The following PKHD1 variants were observed in gnomAD, a reference collection of about 807,000 sequenced individuals.
PKHD1 encodes fibrocystin.
A neutral mutation model predicts 412.0 loss-of-function variants in PKHD1; 291 were observed. That is an observed-to-expected ratio of 0.71 (90% CI 0.64 to 0.78). The LOEUF is 0.78. PKHD1 is among the 30% of genes least tolerant of loss of function. PKHD1 has a pLI of 0.00. For missense variants in PKHD1, 4,825 were observed against 4,950.7 expected (o/e 0.97, Z 0.76); for synonymous variants, 1,777 against 1,821.5 (o/e 0.98, Z 0.62).
chr6:51,764,078 C>T (rs1328498592), intron 55 of PKHD1, among the ~76,000 whole-genome samples: 1 of 148,514 alleles, frequency 6.7e-6, no homozygotes, highest in African/African-American at 2.5e-5. Flanking sequence ...TTAGGTATAT[C>T]TCCCAATGCT....
At chr6:51,779,041 C>T (rs1791542760) in intron 53 of PKHD1, among the ~76,000 whole-genome samples, 1 of 152,120 alleles carries the variant, frequency 6.6e-6, no homozygotes, top group South Asian at 2.1e-4. Flanking sequence ...GTACCCCTTG[C>T]TAAAGTAATT....
At chr6:51,905,585 A>AG (rs1781953209) in intron 41 of PKHD1, among the ~76,000 whole-genome samples, 2 of 152,338 alleles carry the variant, frequency 1.3e-5, no homozygotes. Flanking sequence ...GAGAAAAAAA[A>AG]CAAGACAAGT....
At chr6:51,946,787 T>A (rs1203808682) in intron 36 of PKHD1, among the ~76,000 whole-genome samples, 1 of 152,254 alleles carries the variant, frequency 6.6e-6, no homozygotes, top group Non-Finnish European at 1.5e-5. Context: ...TGTAATCACC[T>A]CTTTCCATTA....
intron 53 of PKHD1, among the ~76,000 whole-genome samples, chr6:51,779,699 C>T (rs1446591390): frequency 2.0e-5 from 3 of 151,786 alleles, no homozygotes; most frequent in African/African-American, 7.3e-5. Context: ...ACCATTATAG[C>T]TTAAAAATAT....
chr6:51,746,695 C>T (rs1785234286), intron 59 of PKHD1, 26 bp downstream of exon 59: 1 of 1,435,162 alleles, frequency 7.0e-7, no homozygotes, highest in Non-Finnish European at 9.8e-7. Context: ...ATAAATATGG[C>T]TTATTATAAA....
At chr6:52,033,636 A>AATAT (rs886591214) in intron 28 of PKHD1, among the ~76,000 whole-genome samples, 1 of 150,584 alleles carries the variant, frequency 6.6e-6, no homozygotes. Context: ...TAATAATTTA[A>AATAT]ATATATATAT....
At chr6:51,664,229 G>T (rs2150445107) in intron 60 of PKHD1, among the ~76,000 whole-genome samples, 1 of 152,144 alleles carries the variant, frequency 6.6e-6, no homozygotes, top group South Asian at 2.1e-4. Context: ...TCTGCCTCAA[G>T]GATCCAAAGT....
chr6:52,005,776 T>G (rs567529614), intron 35 of PKHD1, among the ~76,000 whole-genome samples: 1 of 152,004 alleles, frequency 6.6e-6, no homozygotes, highest in South Asian at 2.1e-4. Flanking sequence ...TCCCTAGAAA[T>G]CCACATTATG....
chr6:51,720,947 C>A, intron 60 of PKHD1: 3 of 977,226 alleles, frequency 3.1e-6, no homozygotes, highest in Non-Finnish European at 3.6e-6. Context: ...GAGTAAATGT[C>A]ACATTGACTT....
At chr6:51,923,565 T>G (rs929404523) in intron 37 of PKHD1, among the ~76,000 whole-genome samples, 1 of 151,692 alleles carries the variant, frequency 6.6e-6, no homozygotes, top group East Asian at 1.9e-4. Context: ...AGGTAAATTT[T>G]TATATAGTCT....
intron 57 of PKHD1, 25 bp from the exon 58 acceptor site, chr6:51,748,690 G>C: frequency 6.2e-7 from 1 of 1,609,984 alleles, no homozygotes. Flanking sequence ...ATGTCATCAG[G>C]TACTTTCCTC....
At chr6:51,731,194 C>G (rs966672699) in intron 60 of PKHD1, among the ~76,000 whole-genome samples, 1 of 150,838 alleles carries the variant, frequency 6.6e-6, no homozygotes, top group African/African-American at 2.4e-5. Flanking sequence ...GCTTACTAGT[C>G]AATGAAGTCC....
chr6:51,760,572 C>T (rs1361680798), intron 55 of PKHD1, among the ~76,000 whole-genome samples: 1 of 152,022 alleles, frequency 6.6e-6, no homozygotes, highest in Non-Finnish European at 1.5e-5. Flanking sequence ...TGCAAGAATA[C>T]TGCATCTGAT....
intron 9 of PKHD1, 118 bp from the exon 10 acceptor site, chr6:52,070,563 T>C: frequency 2.7e-6 from 2 of 747,398 alleles, no homozygotes; most frequent in Non-Finnish European, 4.7e-6. Flanking sequence ...AAACCTGTAA[T>C]TTCTTTAGTG....
At chr6:51,724,767 T>C (rs1335419133) in intron 60 of PKHD1, among the ~76,000 whole-genome samples, 1 of 152,188 alleles carries the variant, frequency 6.6e-6, no homozygotes, top group Non-Finnish European at 1.5e-5. Context: ...TCATGGATTA[T>C]CTAGTTGGTA....
At chr6:52,068,426 G>A (rs927459255) in intron 11 of PKHD1, among the ~76,000 whole-genome samples, 1 of 152,178 alleles carries the variant, frequency 6.6e-6, no homozygotes, top group Admixed American at 6.5e-5. Flanking sequence ...CAATGGGCAG[G>A]CTCACAAAAA....
chr6:51,885,619 G>A (rs1480122455), intron 45 of PKHD1, among the ~76,000 whole-genome samples: 3 of 152,040 alleles, frequency 2.0e-5, no homozygotes, highest in African/African-American at 7.3e-5. Context: ...CTCTTCTAGG[G>A]TTGCCAAAAA....
At chr6:52,086,057 A>AAT (rs1283815915) in intron 1 of PKHD1, among the ~76,000 whole-genome samples, 2 of 146,820 alleles carry the variant, frequency 1.4e-5, no homozygotes, top group Non-Finnish European at 3.0e-5. Flanking sequence ...AAATATATTT[A>AAT]ATATATATAT....
At chr6:51,988,655 G>A (rs1796498896) in intron 35 of PKHD1, among the ~76,000 whole-genome samples, 2 of 152,112 alleles carry the variant, frequency 1.3e-5, no homozygotes, top group Admixed American at 1.3e-4. Context: ...GAGTTGAATG[G>A]CACTTTCATA....
Sources: gnomAD v4.1 joint callset for allele counts (sites outside exome capture counted in the v4.1 genomes callset) on GRCh38, gnomAD v4.1.1 for gene constraint, MANE v1.5 for transcripts, NCBI Gene and HGNC (gene_info 2026-07-23, HGNC 2026-07-21) for gene names.